MARCHF1: variants seen among roughly 807,000 people sequenced by gnomAD.
The protein encoded by MARCHF1 is E3 ubiquitin-protein ligase MARCHF1.
A neutral mutation model predicts 54.2 loss-of-function variants in MARCHF1; 40 were observed. That is an observed-to-expected ratio of 0.74 (90% CI 0.57 to 0.96). The LOEUF (loss-of-function observed/expected upper bound fraction) is 0.96. Ranked by LOEUF, MARCHF1 falls within the 40% of genes least tolerant of loss-of-function variation. MARCHF1 has a pLI of 0.00. For synonymous variants in MARCHF1, 236 were observed against 236.3 expected, an observed-to-expected ratio of 1.00 and a Z score of 0.01; for missense variants, 586 against 656.5, an observed-to-expected ratio of 0.89 and a Z score of 1.17.
At chr4:163,607,382 A>G (rs1434052355) in intron 7 of MARCHF1, among the ~76,000 whole-genome samples, 1 of 152,086 alleles carries the variant, frequency 6.6e-6, no homozygotes, top group Non-Finnish European at 1.5e-5. Context: ...TTTGTTGGAG[A>G]CTGGACACAT....
intron 3 of MARCHF1, among the ~76,000 whole-genome samples, chr4:163,929,964 A>ATATAT (rs1560823812): frequency 9.0e-6 from 1 of 111,324 alleles, no homozygotes; most frequent in African/African-American, 4.5e-5. Context: ...ATTATATATA[A>ATATAT]TATATATAAT....
chr4:163,540,766 A>G (rs1738695918), intron 9 of MARCHF1, among the ~76,000 whole-genome samples: 1 of 151,854 alleles, frequency 6.6e-6, no homozygotes, highest in South Asian at 2.1e-4. Context: ...TCACGCCTGG[A>G]ATCCCAGCGC....
intron 3 of MARCHF1, among the ~76,000 whole-genome samples, chr4:163,896,292 C>T (rs1189124225): frequency 6.6e-6 from 1 of 152,174 alleles, no homozygotes; most frequent in Non-Finnish European, 1.5e-5. Context: ...TGGCTGTTTT[C>T]TTTCACCTCT....
intron 1 of MARCHF1, among the ~76,000 whole-genome samples, chr4:164,169,244 T>C (rs555501254): frequency 6.6e-6 from 1 of 152,216 alleles, no homozygotes; most frequent in African/African-American, 2.4e-5. Flanking sequence ...AACATCAACC[T>C]GGGGATAGAC....
chr4:163,790,643 T>C (rs914466487), intron 4 of MARCHF1, among the ~76,000 whole-genome samples: 3 of 152,162 alleles, frequency 2.0e-5, no homozygotes, highest in African/African-American at 7.2e-5. Context: ...CTTGACTTTG[T>C]ATCTGCAGTA....
intron 2 of MARCHF1, among the ~76,000 whole-genome samples, chr4:164,041,475 A>G (rs1199614639): frequency 1.3e-5 from 2 of 152,212 alleles, no homozygotes; most frequent in Non-Finnish European, 2.9e-5. Context: ...TAGTGATTCC[A>G]TGGTAGTGAT....
chr4:163,746,268 C>A (rs1359412765), intron 4 of MARCHF1, among the ~76,000 whole-genome samples: 3 of 152,168 alleles, frequency 2.0e-5, no homozygotes, highest in East Asian at 3.9e-4. Context: ...CAGTACATAG[C>A]CTTTTCAGAT....
intron 2 of MARCHF1, among the ~76,000 whole-genome samples, chr4:164,086,376 T>C (rs992751856): frequency 2.6e-5 from 4 of 151,928 alleles, no homozygotes; most frequent in Admixed American, 6.6e-5. Context: ...TTCAAAAATA[T>C]AAAACCATTT....
intron 1 of MARCHF1, among the ~76,000 whole-genome samples, chr4:164,276,876 C>T (rs1436278257): frequency 5.0e-5 from 7 of 140,056 alleles, no homozygotes; most frequent in Admixed American, 4.3e-4. Flanking sequence ...ATATTACATA[C>T]ATATATATAT....
intron 2 of MARCHF1, among the ~76,000 whole-genome samples, chr4:164,054,720 T>C (rs376265511): frequency 2.2e-5 from 3 of 137,384 alleles, no homozygotes; most frequent in South Asian, 2.3e-4. Flanking sequence ...TAGGTGGGAA[T>C]TGAACAATGA....
chr4:163,712,322 T>C (rs1007592543), intron 4 of MARCHF1, among the ~76,000 whole-genome samples: 1 of 152,178 alleles, frequency 6.6e-6, no homozygotes, highest in Non-Finnish European at 1.5e-5. Flanking sequence ...TGTATGTATA[T>C]GGGCAATGGC....
chr4:163,955,404 C>A (rs2110794631), intron 3 of MARCHF1, among the ~76,000 whole-genome samples: 1 of 151,348 alleles, frequency 6.6e-6, no homozygotes, highest in South Asian at 2.1e-4. Context: ...ACTCTCACTG[C>A]CTGTAACATG....
intron 1 of MARCHF1, among the ~76,000 whole-genome samples, chr4:164,368,670 G>A (rs774142877): frequency 2.2e-4 from 34 of 152,114 alleles, no homozygotes; most frequent in Non-Finnish European, 4.4e-4. Flanking sequence ...TCCTAAATAT[G>A]CAGGGACTGT....
chr4:164,294,638 C>T (rs1305042651), intron 1 of MARCHF1, among the ~76,000 whole-genome samples: 4 of 152,054 alleles, frequency 2.6e-5, no homozygotes, highest in African/African-American at 4.8e-5. Context: ...ATATTCTTAT[C>T]GTCAATTAAG....
chr4:164,364,624 CTTAGAG>C (rs991275777), intron 1 of MARCHF1, among the ~76,000 whole-genome samples: 6 of 151,546 alleles, frequency 4.0e-5, no homozygotes, highest in South Asian at 4.2e-4. Context: ...CCCATTTATT[CTTAGAG>C]TTAAATTTTT....
At chr4:163,723,692 G>T (rs1745555428) in intron 4 of MARCHF1, among the ~76,000 whole-genome samples, 1 of 152,110 alleles carries the variant, frequency 6.6e-6, no homozygotes, top group Non-Finnish European at 1.5e-5. Flanking sequence ...TTTTCACATA[G>T]TCCCATATTT....
At chr4:164,302,120 T>G (rs1334828321) in intron 1 of MARCHF1, among the ~76,000 whole-genome samples, 1 of 152,170 alleles carries the variant, frequency 6.6e-6, no homozygotes, top group East Asian at 1.9e-4. Flanking sequence ...TGGAAAGTAG[T>G]GACGGAAAAT....
intron 5 of MARCHF1, among the ~76,000 whole-genome samples, chr4:163,626,854 G>T (rs552664228): frequency 6.6e-6 from 1 of 152,198 alleles, no homozygotes; most frequent in East Asian, 1.9e-4. Context: ...TTGAACCTGG[G>T]AGGTGGAGGT....
chr4:163,991,572 C>G (rs1290603719), intron 2 of MARCHF1, among the ~76,000 whole-genome samples: 1 of 152,068 alleles, frequency 6.6e-6, no homozygotes, highest in Non-Finnish European at 1.5e-5. Flanking sequence ...GTAATTAAAC[C>G]CTGTGGAGTC....
Sources: allele counts gnomAD v4.1 joint callset (sites outside exome capture counted in the v4.1 genomes callset), GRCh38; gene constraint gnomAD v4.1.1; transcripts MANE v1.5; gene names NCBI Gene and HGNC (gene_info 2026-07-23, HGNC 2026-07-21).